Variants in METTL25 observed in about 807,000 individuals in gnomAD.
METTL25 encodes probable methyltransferase-like protein 25.
Under a neutral mutation model 71.6 loss-of-function variants are expected in METTL25, and 64 were observed. That is an observed-to-expected ratio of 0.89 (90% CI 0.73 to 1.10). The LOEUF (loss-of-function observed/expected upper bound fraction) is 1.10, where lower values mean the gene tolerates loss of function less well. Ranked by LOEUF, METTL25 falls within the 50% of genes least tolerant of loss-of-function variation. The pLI is 0.00. For missense variants in METTL25, 807 were observed against 707.0 expected, an observed-to-expected ratio of 1.14 and a Z score of -1.60; for synonymous variants, 287 against 250.3, an observed-to-expected ratio of 1.15 and a Z score of -1.38.
At chr12:82,433,227 CA>C (rs1402786768) in intron 6 of METTL25, among the ~76,000 whole-genome samples, 1 of 151,436 alleles carries the variant, frequency 6.6e-6, no homozygotes, top group Non-Finnish European at 1.5e-5. Context: ...TTATGGACAC[CA>C]AATCGCCTCT....
intron 1 of METTL25, among the ~76,000 whole-genome samples, chr12:82,370,703 TATCTTTTTCTCTC>T (rs1883132258): frequency 2.3e-4 from 1 of 4,398 alleles, no homozygotes; most frequent in Admixed American, 3.8e-3. Context: ...TTACTATTTC[TATCTTTTTCTCTC>T]TTTGACTCCT....
chr12:82,426,942 C>CT (rs1258627449), intron 5 of METTL25, among the ~76,000 whole-genome samples: 4 of 151,932 alleles, frequency 2.6e-5, no homozygotes, highest in Non-Finnish European at 5.9e-5. Flanking sequence ...GAACTAATCC[C>CT]ATCATGCCTT....
chr12:82,382,494 A>C (rs1441701349), intron 1 of METTL25, among the ~76,000 whole-genome samples: 1 of 152,158 alleles, frequency 6.6e-6, no homozygotes, highest in East Asian at 1.9e-4. Context: ...CCTTAGGAGA[A>C]TTTATTTTCC....
chr12:82,451,201 A>G, intron 8 of METTL25: 1 of 608,148 alleles, frequency 1.6e-6, no homozygotes, highest in East Asian at 1.4e-4. Flanking sequence ...CTGGGAAGAA[A>G]AGAATTTCTT....
At chr12:82,445,973 T>C (rs1339755699) in intron 8 of METTL25, among the ~76,000 whole-genome samples, 1 of 152,172 alleles carries the variant, frequency 6.6e-6, no homozygotes, top group Non-Finnish European at 1.5e-5. Flanking sequence ...AACAGTTACA[T>C]GCAAATTTTT....
chr12:82,443,231 C>T (rs953784851), intron 8 of METTL25, among the ~76,000 whole-genome samples: 3 of 151,662 alleles, frequency 2.0e-5, no homozygotes, highest in East Asian at 1.9e-4. Flanking sequence ...GTTCTAGACA[C>T]GTAAGAGTAA....
At chr12:82,446,686 G>A (rs572605683) in intron 8 of METTL25, among the ~76,000 whole-genome samples, 5 of 149,180 alleles carry the variant, frequency 3.4e-5, no homozygotes, top group South Asian at 2.1e-4. Flanking sequence ...GTGCAGTCTC[G>A]GCTCACTGCA....
chr12:82,396,389 CAT>C (rs1886086723), intron 3 of METTL25, among the ~76,000 whole-genome samples: 1 of 152,014 alleles, frequency 6.6e-6, no homozygotes, highest in South Asian at 2.1e-4. Context: ...GAACTGGTCT[CAT>C]TGTAAGACCT....
At chr12:82,433,635 T>TA (rs1889698669) in intron 6 of METTL25, among the ~76,000 whole-genome samples, 1 of 151,678 alleles carries the variant, frequency 6.6e-6, no homozygotes. Context: ...GCTAACTAGC[T>TA]ATGCAATTTG....
Position 82,438,771 on chromosome 12 carries a change from T to A in METTL25, c.1458T>A (p.Asp486Glu). The A allele has an allele frequency of 1.3e-6, 2 of 1,524,798 alleles. No homozygotes were observed. Among genetic ancestry groups the A allele is most frequent in the South Asian group, 1.2e-5 (1 of 81,938 alleles). 94.5% of individuals were successfully genotyped at this position (1,524,798 alleles called of 1,614,324 possible). A position where few individuals can be genotyped will look rare whatever the true frequency, so the allele number is the denominator to read the frequency against. Residue 486 changes from aspartate to glutamate, a missense_variant, in exon 8 of 12, where the codon GAT becomes GAA. By Grantham distance (45) the Asp-to-Glu change is conservative. Transcript: ENST00000248306. ...CTGTTCTTCAGGATATTATTAAAGATTGTTATGGCATCACCAAATGGTATG... is the reference window on the plus strand; with the variant it reads ...CTGTTCTTCAGGATATTATTAAAGAATGTTATGGCATCACCAAATGGTATG... ...YRAVLQDIIK[D>E]CYGITKCDRH...
chr12:82,384,246 G>T (rs1267090209), intron 1 of METTL25, among the ~76,000 whole-genome samples: 1 of 152,102 alleles, frequency 6.6e-6, no homozygotes, highest in Admixed American at 6.6e-5. Flanking sequence ...TTTGCTGGTT[G>T]CCAAATCCAA....
At chr12:82,401,973 C>T (rs1049412795) in intron 4 of METTL25, among the ~76,000 whole-genome samples, 9 of 151,768 alleles carry the variant, frequency 5.9e-5, no homozygotes, top group Non-Finnish European at 8.8e-5. Flanking sequence ...TCTTTTTACT[C>T]CTACTTTAAC....
At chr12:82,400,960 C>T (rs943648081) in intron 4 of METTL25, among the ~76,000 whole-genome samples, 26 of 152,082 alleles carry the variant, frequency 1.7e-4, no homozygotes, top group Admixed American at 4.6e-4. Flanking sequence ...GAGAGAAATT[C>T]GTAGCTTTAT....
At chr12:82,418,758 G>A (rs1888205244) in intron 5 of METTL25, among the ~76,000 whole-genome samples, 1 of 152,076 alleles carries the variant, frequency 6.6e-6, no homozygotes, top group Non-Finnish European at 1.5e-5. Context: ...ACCATTTCAA[G>A]ATAAATGAAT....
intron 1 of METTL25, chr12:82,369,419 AGCCACGGACC>A (rs1163834884): frequency 2.3e-6 from 1 of 438,604 alleles, no homozygotes; most frequent in Admixed American, 2.5e-5. Context: ...TCAAGAATGA[AGCCACGGACC>A]TTTGCGGTGA....
chr12:82,469,678 A>G (rs1336414328), intron 9 of METTL25, among the ~76,000 whole-genome samples: 1 of 151,850 alleles, frequency 6.6e-6, no homozygotes, highest in African/African-American at 2.4e-5. Flanking sequence ...AGTGCAGGTG[A>G]AAGACAAGTG....
At chr12:82,378,964 C>T (rs1884161581) in intron 1 of METTL25, among the ~76,000 whole-genome samples, 1 of 152,132 alleles carries the variant, frequency 6.6e-6, no homozygotes, top group African/African-American at 2.4e-5. Flanking sequence ...CCCTGGAGAT[C>T]AAGGTTGCAG....
chr12:82,443,519 A>G (rs1890516718), intron 8 of METTL25, among the ~76,000 whole-genome samples: 1 of 152,088 alleles, frequency 6.6e-6, no homozygotes, highest in South Asian at 2.1e-4. Context: ...ATAACCTCAA[A>G]AGAGTAAATT....
intron 1 of METTL25, among the ~76,000 whole-genome samples, chr12:82,383,741 C>T (rs1592618891): frequency 6.6e-6 from 1 of 151,908 alleles, no homozygotes; most frequent in East Asian, 1.9e-4. Flanking sequence ...GATTGTTTTA[C>T]TTTATTTTTA....
Sources: gnomAD v4.1 joint callset for allele counts (sites outside exome capture counted in the v4.1 genomes callset) on GRCh38, gnomAD v4.1.1 for gene constraint, MANE v1.5 for transcripts, NCBI Gene and HGNC (gene_info 2026-07-23, HGNC 2026-07-21) for gene names.